The following THRAP3 variants were observed in gnomAD, a reference collection of about 807,000 sequenced individuals.
The protein encoded by THRAP3 is thyroid hormone receptor associated protein 3.
THRAP3 carries 16 observed loss-of-function variants against 101.0 expected under a neutral mutation model. The observed-to-expected ratio is 0.16, with a 90% confidence interval of 0.11 to 0.24. The LOEUF (loss-of-function observed/expected upper bound fraction) is 0.24. Ranked by LOEUF, THRAP3 falls within the 10% of genes least tolerant of loss-of-function variation. THRAP3 has a pLI of 1.00. For synonymous variants in THRAP3, 407 were observed against 422.6 expected (o/e 0.96, Z 0.45); for missense variants, 989 against 1,202.7 (o/e 0.82, Z 2.63).
intron 2 of THRAP3, among the ~76,000 whole-genome samples, chr1:36,259,756 C>A (rs1645420676): frequency 8.9e-6 from 1 of 112,622 alleles, no homozygotes; most frequent in Admixed American, 1.1e-4. Flanking sequence ...ACAGCAAGAC[C>A]CTGTCTCAAA....
At chr1:36,241,031 C>A (rs1274429761) in intron 1 of THRAP3, among the ~76,000 whole-genome samples, 1 of 151,800 alleles carries the variant, frequency 6.6e-6, no homozygotes, top group Non-Finnish European at 1.5e-5. Flanking sequence ...ACGGTGAAAC[C>A]CCGTCTCTAC....
chr1:36,253,196 G>A (rs964788039), intron 1 of THRAP3, among the ~76,000 whole-genome samples: 3 of 151,894 alleles, frequency 2.0e-5, no homozygotes, highest in Non-Finnish European at 4.4e-5. Flanking sequence ...TAATCATTGA[G>A]CATGTGATTT....
chr1:36,276,959 T>A (rs1435743258), intron 2 of THRAP3, among the ~76,000 whole-genome samples: 1 of 152,164 alleles, frequency 6.6e-6, no homozygotes, highest in Non-Finnish European at 1.5e-5. Context: ...CACACTTTTT[T>A]TAATTTTTAT....
upstream of THRAP3, among the ~76,000 whole-genome samples, chr1:36,220,011 T>C (rs896098398): frequency 6.6e-6 from 1 of 152,182 alleles, no homozygotes; most frequent in Non-Finnish European, 1.5e-5. Flanking sequence ...TTTTTCTTTT[T>C]TGGGATGGAG....
intron 1 of THRAP3, among the ~76,000 whole-genome samples, chr1:36,249,179 A>G (rs1645267514): frequency 7.0e-6 from 1 of 142,888 alleles, no homozygotes; most frequent in Non-Finnish European, 1.5e-5. Flanking sequence ...CACCGCACCC[A>G]GCCAGCACAG....
intron 4 of THRAP3, chr1:36,287,641 A>G (rs1327287273): frequency 1.0e-5 from 10 of 985,324 alleles, no homozygotes; most frequent in Non-Finnish European, 1.2e-5. Flanking sequence ...TAGACCCTCT[A>G]GCACCCACCA....
chr1:36,223,713 C>G (rs1052758351), upstream of THRAP3, among the ~76,000 whole-genome samples: 1 of 152,130 alleles, frequency 6.6e-6, no homozygotes, highest in Admixed American at 6.6e-5. Context: ...ACTTTTGGTT[C>G]AATACCCCAG....
intron 1 of THRAP3, among the ~76,000 whole-genome samples, chr1:36,228,366 C>T (rs185503547): frequency 1.4e-4 from 21 of 152,294 alleles, no homozygotes; most frequent in Middle Eastern, 3.4e-3. Flanking sequence ...TATAGGCATC[C>T]GCCACTATGT....
Position 36,233,396 on chromosome 1 carries a change from C to T in THRAP3, c.-135+8891C>T, listed in dbSNP as rs138483311. Among the ~76,000 whole-genome samples the T allele has an allele frequency of 7.1e-3, 1,082 of 151,748 alleles. 5 individuals are homozygous for T. The highest frequency in any genetic ancestry group is 0.037 in the Middle Eastern group (11 of 294). ...TGGTGGGCGCCTGTAGTCCCAGCTACTTGGGAGGCTGAGGCAAGAGAATGG... is the reference window on the plus strand; with the variant it reads ...TGGTGGGCGCCTGTAGTCCCAGCTATTTGGGAGGCTGAGGCAAGAGAATGG... On this transcript the variant is annotated intron_variant, in intron 1 of 11. Coordinates refer to ENST00000354618, the MANE Select transcript of THRAP3 (RefSeq NM_005119.4).
At chr1:36,296,802 C>G (rs760961682) in intron 9 of THRAP3, 32 bp downstream of exon 9, 6 of 1,519,218 alleles carry the variant, frequency 3.9e-6, no homozygotes, top group Non-Finnish European at 4.4e-6. Context: ...CTTCCAGACT[C>G]TTAAGTTTCT....
the THRAP3 span, among the ~76,000 whole-genome samples, chr1:36,212,985 C>G: frequency 6.6e-6 from 1 of 152,120 alleles, no homozygotes; most frequent in Non-Finnish European, 1.5e-5. Flanking sequence ...AATGAGGAAG[C>G]AGGAAGTCCA....
At chr1:36,216,206 G>A in the THRAP3 span, among the ~76,000 whole-genome samples, 3 of 151,818 alleles carry the variant, frequency 2.0e-5, no homozygotes, top group African/African-American at 4.8e-5. Flanking sequence ...CAGTGAGACC[G>A]TGTCTCTACA....
At chr1:36,256,346 C>T (rs1216976016) in intron 1 of THRAP3, among the ~76,000 whole-genome samples, 1 of 151,920 alleles carries the variant, frequency 6.6e-6, no homozygotes, top group African/African-American at 2.4e-5. Flanking sequence ...CTGCCTCAGC[C>T]TCCTGAGTAG....
chr1:36,221,493 C>A (rs1433436884), upstream of THRAP3, among the ~76,000 whole-genome samples: 1 of 152,168 alleles, frequency 6.6e-6, no homozygotes, highest in African/African-American at 2.4e-5. Flanking sequence ...TCCACCCCAA[C>A]CTTCAGCAGC....
At chr1:36,241,383 G>GTATATATA (rs199655791) in intron 1 of THRAP3, among the ~76,000 whole-genome samples, 1 of 132,104 alleles carries the variant, frequency 7.6e-6, no homozygotes, top group African/African-American at 3.2e-5. Flanking sequence ...ATGATAATGG[G>GTATATATA]TGTATATATA....
chr1:36,249,237 G>A (rs140567443), intron 1 of THRAP3, among the ~76,000 whole-genome samples: 12,442 of 144,294 alleles, frequency 0.086, 736 homozygotes, highest in Middle Eastern at 0.26. Context: ...TCTCGCCCAG[G>A]CTGGAATGCA....
At chr1:36,292,512 T>G in intron 6 of THRAP3, 86 bp from the exon 7 acceptor site, 1 of 914,586 alleles carries the variant, frequency 1.1e-6, no homozygotes, top group South Asian at 1.6e-5. Context: ...CCTCGTGATC[T>G]GCCCACCTCG....
At chr1:36,228,278 C>T (rs1644985395) in intron 1 of THRAP3, among the ~76,000 whole-genome samples, 1 of 151,062 alleles carries the variant, frequency 6.6e-6, no homozygotes, top group African/African-American at 2.4e-5. Context: ...AGTGCAATGG[C>T]ATGGTCTCGG....
the THRAP3 span, among the ~76,000 whole-genome samples, chr1:36,208,934 T>C: frequency 6.8e-6 from 1 of 147,980 alleles, no homozygotes; most frequent in African/African-American, 2.5e-5. Flanking sequence ...CCCAAAATGC[T>C]GGGATTACAG....
Sources: allele counts gnomAD v4.1 joint callset (sites outside exome capture counted in the v4.1 genomes callset), GRCh38; gene constraint gnomAD v4.1.1; transcripts MANE v1.5; gene names NCBI Gene and HGNC (gene_info 2026-07-23, HGNC 2026-07-21).